Variants in DRD2 observed in about 807,000 individuals in gnomAD.
DRD2 encodes D(2) dopamine receptor.
DRD2 carries 8 observed loss-of-function variants against 38.0 expected under a neutral mutation model. The observed-to-expected ratio is 0.21, with a 90% CI of 0.12 to 0.38. The LOEUF (loss-of-function observed/expected upper bound fraction) is 0.38. Among genes scored for constraint, DRD2 ranks in the 10% least tolerant of loss-of-function variants. The pLI, the probability that DRD2 is intolerant of heterozygous loss-of-function variation, is 1.00. For synonymous variants in DRD2, 230 were observed against 238.6 expected, an observed-to-expected ratio of 0.96 and a Z score of 0.33; for missense variants, 403 against 607.7, an observed-to-expected ratio of 0.66 and a Z score of 3.54.
chr11:113,465,313 T>C (rs1951357843), intron 1 of DRD2, among the ~76,000 whole-genome samples: 2 of 152,210 alleles, frequency 1.3e-5, no homozygotes, highest in African/African-American at 4.8e-5. Context: ...CAGGCTAGTC[T>C]CAAACTCCTG....
rs184886987 is a variant in DRD2 at position 113,437,907 on chromosome 11, C to T, written c.-31-13225G>A. On this transcript the variant is annotated intron_variant, in intron 1 of 7. Coordinates refer to ENST00000362072, the MANE Select transcript of DRD2 (RefSeq NM_000795.4). ...CCTCAGAGGAGGGGCAACATGGGCA[C>T]AACAGGGAAGAGAGCAGAGAGGCAG... Among the ~76,000 whole-genome samples, 20 of 152,280 alleles carry T rather than the reference C, an allele frequency of 1.3e-4. No individual in the cohort carries two copies. The East Asian group carries it at 3.9e-3, about 29-fold the overall frequency.
Position 113,418,433 on chromosome 11 carries a change from C to A in DRD2, c.286-297G>T, listed in dbSNP as rs543581307. Among the ~76,000 whole-genome samples, 48 of 152,288 alleles carry A rather than the reference C, an allele frequency of 3.2e-4. 1 individual carries two copies. The highest frequency in any genetic ancestry group is 3.4e-3 in the Middle Eastern group (1 of 294). On this transcript the variant is annotated intron_variant, in intron 2 of 7. Coordinates refer to ENST00000362072, the MANE Select transcript of DRD2 (RefSeq NM_000795.4). ...CCTTAATCTCTGCAACCTTTGTTAA[C>A]CCCATGTGTTTTCTTAGATTCTGTA...
intron 1 of DRD2, among the ~76,000 whole-genome samples, chr11:113,450,695 A>G (rs1951202805): frequency 6.6e-6 from 1 of 152,214 alleles, no homozygotes; most frequent in South Asian, 2.1e-4. Context: ...AACTTTCTTC[A>G]CCAAAACAGA....
intron 1 of DRD2, among the ~76,000 whole-genome samples, chr11:113,463,740 G>A (rs962330551): frequency 6.6e-6 from 1 of 152,182 alleles, no homozygotes; most frequent in African/African-American, 2.4e-5. Flanking sequence ...TCCAGCCTTT[G>A]AGGAATTTAC....
chr11:113,456,073 C>T lies in DRD2; in HGVS notation c.-32+19003G>A, dbSNP rs117492428. Reference sequence around the variant, plus strand: ...AACAGATAAAGATTGAAAAAAACAACGTGATCTATATATCCACAATGGAAT... The same window carrying T: ...AACAGATAAAGATTGAAAAAAACAATGTGATCTATATATCCACAATGGAAT... On this transcript the variant is annotated intron_variant, in intron 1 of 7. Coordinates refer to ENST00000362072, the MANE Select transcript of DRD2 (RefSeq NM_000795.4). Among the ~76,000 whole-genome samples the T allele has an allele frequency of 2.1e-4, 32 of 152,226 alleles. 1 individual carries two copies. The East Asian group carries it at 6.0e-3, about 28-fold the overall frequency.
chr11:113,468,839 C>T (rs896054650), intron 1 of DRD2, among the ~76,000 whole-genome samples: 10 of 152,152 alleles, frequency 6.6e-5, no homozygotes, highest in Non-Finnish European at 1.0e-4. Context: ...TGAGCCACCG[C>T]GTCTGGCTAA....
chr11:113,458,721 A>C (rs1951289852), intron 1 of DRD2, among the ~76,000 whole-genome samples: 1 of 152,178 alleles, frequency 6.6e-6, no homozygotes, highest in Non-Finnish European at 1.5e-5. Context: ...CTATTTTGGC[A>C]CTGTGGACTA....
At position 113,409,681 on chromosome 11, in the gene DRD2, C is replaced by A. The variant is rs1950748183; in HGVS notation, c.*1046G>T. 6.5e-6 allele frequency: 1 copy of A among 153,032 alleles called. No homozygotes were observed. Among genetic ancestry groups the A allele is most frequent in the Non-Finnish European group, 1.5e-5 (1 of 68,364 alleles). The allele number at this position is 153,032 out of a possible 1,614,324, so 9.5% of individuals were successfully genotyped here. On this transcript the variant is annotated 3_prime_UTR_variant, in exon 8 of 8. Coordinates refer to ENST00000362072, the MANE Select transcript of DRD2 (RefSeq NM_000795.4). ...TGTTACAGAGTCTAGGCCCCAGGGGCTCTCCCAAGCTGCAGCTTCCCCTCC... is the reference window on the plus strand; with the variant it reads ...TGTTACAGAGTCTAGGCCCCAGGGGATCTCCCAAGCTGCAGCTTCCCCTCC...
chr11:113,430,079 C>A (rs565148951), intron 1 of DRD2, among the ~76,000 whole-genome samples: 1 of 152,334 alleles, frequency 6.6e-6, no homozygotes, highest in South Asian at 2.1e-4. Flanking sequence ...CTCCTGGGCC[C>A]ACTGCCTCCT....
At position 113,410,228 on chromosome 11, in the gene DRD2, G is replaced by A. The variant is rs1406991627; in HGVS notation, c.*499C>T. On this transcript the variant is annotated 3_prime_UTR_variant, in exon 8 of 8. Coordinates refer to ENST00000362072, the MANE Select transcript of DRD2 (RefSeq NM_000795.4). ...CCAACCTGCAGTCTGGTATTTACAT[G>A]GGTCTCCCAGGACTGAAGTTGCCTG... 4.6e-6 allele frequency: 1 copy of A among 219,424 alleles called. No homozygotes were observed. Among genetic ancestry groups the A allele is most frequent in the Non-Finnish European group, 9.2e-6 (1 of 108,610 alleles). The allele number at this position is 219,424 out of a possible 1,614,324, so 13.6% of individuals were successfully genotyped here. A position where few individuals can be genotyped will look rare whatever the true frequency, so the allele number is the denominator to read the frequency against.
At chr11:113,430,973 G>A (rs1456968261) in intron 1 of DRD2, among the ~76,000 whole-genome samples, 1 of 152,160 alleles carries the variant, frequency 6.6e-6, no homozygotes, top group Non-Finnish European at 1.5e-5. Context: ...AAGTGGCACA[G>A]TATATTTAAA....
chr11:113,436,586 T>A (rs1344221235), intron 1 of DRD2, among the ~76,000 whole-genome samples: 1 of 152,182 alleles, frequency 6.6e-6, no homozygotes, highest in African/African-American at 2.4e-5. Context: ...CAGATGAAAT[T>A]ATATGCTGTC....
rs563435503 is a variant in DRD2, at chr11:113,426,952, G to T, written c.-31-2270C>A. Among the ~76,000 whole-genome samples, 34 of 152,322 alleles carry T rather than the reference G, an allele frequency of 2.2e-4. 1 individual carries two copies. Among genetic ancestry groups the T allele is most frequent in the Admixed American group, 1.5e-3 (23 of 15,304 alleles). On this transcript the variant is annotated intron_variant, in intron 1 of 7. Transcript: ENST00000362072. ...TACTCAATCGGCATTTATTGAACCTGCTGGGCATAAAGCACTGTGCAAAGC... is the reference window on the plus strand; with the variant it reads ...TACTCAATCGGCATTTATTGAACCTTCTGGGCATAAAGCACTGTGCAAAGC...
rs1029099145 is a variant in DRD2, at chr11:113,409,900, C to T, written c.*827G>A. ...CAAAGAACCTCTGATGTCCCCTAGC[C>T]CAGGCCCAGATAGAGTTCCAGGGCC... On this transcript the variant is annotated 3_prime_UTR_variant, in exon 8 of 8. Coordinates refer to ENST00000362072, the MANE Select transcript of DRD2 (RefSeq NM_000795.4). The T allele has an allele frequency of 1.3e-5, 2 of 152,538 alleles. No individual in the cohort carries two copies. The highest frequency in any genetic ancestry group is 4.8e-5 in the African/African-American group (2 of 41,464). The allele number at this position is 152,538 out of a possible 1,614,324, so 9.4% of individuals were successfully genotyped here.
chr11:113,415,010 C>A (rs376071283), intron 5 of DRD2, among the ~76,000 whole-genome samples: 2 of 151,946 alleles, frequency 1.3e-5, no homozygotes, highest in South Asian at 4.2e-4. Context: ...GAGAGGAAGT[C>A]AGGAAAAGTG....
Position 113,432,286 on chromosome 11 carries a change from C to T in DRD2, c.-31-7604G>A, listed in dbSNP as rs1950994010. 9.3e-5 allele frequency among the ~76,000 whole-genome samples: 6 copies of T among 64,612 alleles called. No homozygotes were observed. In the South Asian group the frequency reaches 3.8e-3, roughly 41 times the overall value. The allele number at this position is 64,612 out of a possible 152,430, so 42.4% of individuals were successfully genotyped here. ...CAGAGAGGATTTTCTCTGATCCTCT[C>T]TTTCTCTCTCTCTCTCTCTCTCTCT... On this transcript the variant is annotated intron_variant, in intron 1 of 7. Transcript: ENST00000362072.
rs1367146488 is a variant in DRD2 at position 113,410,423 on chromosome 11, C to T, written c.*304G>A. On this transcript the variant is annotated 3_prime_UTR_variant, in exon 8 of 8. Transcript: ENST00000362072. Reference sequence around the variant, plus strand: ...AGCCCCAGAGGAAGGTCAAGGAAGGCGGCTGCATCTTTGGTGCCAAGGATA... The same window carrying T: ...AGCCCCAGAGGAAGGTCAAGGAAGGTGGCTGCATCTTTGGTGCCAAGGATA... 7 of 513,216 alleles carry T rather than the reference C, an allele frequency of 1.4e-5. No individual in the cohort carries two copies. The highest frequency in any genetic ancestry group is 6.4e-5 in the Admixed American group (2 of 31,178). The allele number at this position is 513,216 out of a possible 1,614,324, so 31.8% of individuals were successfully genotyped here.
intron 1 of DRD2, among the ~76,000 whole-genome samples, chr11:113,425,435 G>A (rs1950931145): frequency 6.6e-6 from 1 of 152,254 alleles, no homozygotes; most frequent in South Asian, 2.1e-4. Flanking sequence ...AGCTGATGCA[G>A]AGGGACCTGG....
At chr11:113,452,900 C>T (rs894316947) in intron 1 of DRD2, among the ~76,000 whole-genome samples, 14 of 152,092 alleles carry the variant, frequency 9.2e-5, no homozygotes, top group South Asian at 2.1e-4. Context: ...GATCTACCCG[C>T]CTCGGCCTCC....
Sources: gnomAD v4.1 joint callset for allele counts (sites outside exome capture counted in the v4.1 genomes callset) on GRCh38, gnomAD v4.1.1 for gene constraint, MANE v1.5 for transcripts, NCBI Gene and HGNC (gene_info 2026-07-23, HGNC 2026-07-21) for gene names.